The following PROSER2 variants were observed in gnomAD, a reference collection of about 807,000 sequenced individuals.
PROSER2 encodes proline and serine rich 2, also known as proline and serine-rich protein 2.
PROSER2 carries 18 observed loss-of-function variants against 14.6 expected under a neutral mutation model. The observed-to-expected ratio is 1.23, with a 90% CI of 0.85 to 1.83. The LOEUF (loss-of-function observed/expected upper bound fraction) is 1.83. PROSER2 is among the 40% of genes most tolerant of loss of function. The pLI is 0.00. For synonymous variants in PROSER2, 367 were observed against 286.4 expected, an observed-to-expected ratio of 1.28 and a Z score of -2.84; for missense variants, 823 against 629.8, an observed-to-expected ratio of 1.31 and a Z score of -3.28.
Position 11,830,031 on chromosome 10 carries a change from C to T in PROSER2, c.-82+6561C>T, listed in dbSNP as rs769501990. Among the ~76,000 whole-genome samples the T allele has an allele frequency of 2.0e-5, 3 of 151,746 alleles. No homozygotes were observed. The highest frequency in any genetic ancestry group is 4.8e-5 in the African/African-American group (2 of 41,386). Reference sequence around the variant, plus strand: ...GCTAATTTTTGCATTTTAGTAGAGACGGGGTTTTGCCATGTTGGCCATGCT... The same window carrying T: ...GCTAATTTTTGCATTTTAGTAGAGATGGGGTTTTGCCATGTTGGCCATGCT... On this transcript the variant is annotated intron_variant, in intron 1 of 3. Coordinates refer to ENST00000277570, the MANE Select transcript of PROSER2 (RefSeq NM_153256.4). The surrounding 1 kb of genome is among the most constrained non-coding windows in gnomAD (Gnocchi z 4.5).
At chr10:11,852,300 A>G (rs570348222) in intron 2 of PROSER2, 85 bp downstream of exon 2, 2 of 1,425,868 alleles carry the variant, frequency 1.4e-6, no homozygotes, top group East Asian at 4.9e-5. Context: ...GGAATATTTT[A>G]CCAGATCTTT....
intron 1 of PROSER2, among the ~76,000 whole-genome samples, chr10:11,842,928 G>GTTTTTTTTTTTTTTTTTT (rs1554766492): frequency 1.9e-5 from 1 of 51,714 alleles, no homozygotes; most frequent in Non-Finnish European, 4.3e-5. Flanking sequence ...TTTTGCCATT[G>GTTTTTTTTTTTTTTTTTT]TTCTTTTTTT....
rs138742961 is a variant in PROSER2, at chr10:11,858,702, G to T, written c.138+6487G>T. Among the ~76,000 whole-genome samples the T allele has an allele frequency of 1.0e-2, 1,519 of 152,222 alleles. 16 individuals are homozygous for T. Among genetic ancestry groups the T allele is most frequent in the Non-Finnish European group, 0.015 (998 of 68,024 alleles). ...AGAGACTTGTCATTTCTTGAAGTCA[G>T]CATGGTAGGATAGAATGTGAGGGAT... On this transcript the variant is annotated intron_variant, in intron 2 of 3. Transcript: ENST00000277570.
intron 1 of PROSER2, among the ~76,000 whole-genome samples, chr10:11,824,315 T>A (rs1833582030): frequency 6.6e-6 from 1 of 152,206 alleles, no homozygotes. Flanking sequence ...CTGGCTCCAA[T>A]TTTAACGGAG....
intron 2 of PROSER2, among the ~76,000 whole-genome samples, chr10:11,857,894 G>A (rs1479414678): frequency 6.6e-6 from 1 of 152,116 alleles, no homozygotes; most frequent in African/African-American, 2.4e-5. Flanking sequence ...CCCTCACAGG[G>A]GGTTGCCACA....
intron 2 of PROSER2, chr10:11,857,463 G>A (rs1263121620): frequency 1.3e-5 from 2 of 152,112 alleles, no homozygotes; most frequent in Non-Finnish European, 2.9e-5. Flanking sequence ...ATTATTGGCC[G>A]GGTGCAGTGG....
rs11257368 is a variant in PROSER2 at position 11,869,373 on chromosome 10, A to G, written c.392-117A>G. On this transcript the variant is annotated intron_variant, in intron 3 of 3. Transcript: ENST00000277570. The surrounding 1 kb of genome is among the most constrained non-coding windows in gnomAD (Gnocchi z 4.4). ...AGAGAGGAGTTGACTCACAGGCAGC[A>G]CCGGCGAAGTTGGTGTCAGGTCCAG... The G allele has an allele frequency of 0.12, 82,506 of 706,188 alleles. 5,493 individuals are homozygous for G. The highest frequency in any genetic ancestry group is 0.13 in the Non-Finnish European group (53,223 of 397,910). The allele number at this position is 706,188 out of a possible 1,614,324, so 43.7% of individuals were successfully genotyped here.
At chr10:11,854,525 G>A (rs940862364) in intron 2 of PROSER2, among the ~76,000 whole-genome samples, 6 of 152,082 alleles carry the variant, frequency 3.9e-5, no homozygotes, top group African/African-American at 1.4e-4. Flanking sequence ...TGAACAGGCT[G>A]GTTTAGAATT....
Position 11,869,762 on chromosome 10 carries a change from C to G in PROSER2, c.664C>G (p.Pro222Ala). The change falls in exon 4 of 4, where the codon CCC becomes GCC. Residue 222 changes from proline (P) to alanine (A), a missense_variant. By Grantham distance (27) the Pro-to-Ala change is conservative (BLOSUM62 -1). Coordinates refer to ENST00000277570, the MANE Select transcript of PROSER2 (RefSeq NM_153256.4). The surrounding 1 kb of genome is among the most constrained non-coding windows in gnomAD (Gnocchi z 4.4). ...CACCTCCCCGTTCAGGGAGGGCCGG[C>G]CCGGGGAGTGGAGGACACCTGCCGC... The part of the protein sequence containing the change: ...SPTSPFREGR[P>A]GEWRTPAARG... The G allele has an allele frequency of 6.4e-7, 1 of 1,571,400 alleles. No individual in the cohort carries two copies. The highest frequency in any genetic ancestry group is 1.3e-5 in the African/African-American group (1 of 74,170).
Position 11,870,503 on chromosome 10 carries a change from T to A in PROSER2, c.*97T>A. 9.2e-7 allele frequency: 1 copy of A among 1,082,468 alleles called. No homozygotes were observed. Among genetic ancestry groups the A allele is most frequent in the Non-Finnish European group, 1.3e-6 (1 of 799,268 alleles). 67.1% of individuals were successfully genotyped at this position (1,082,468 alleles called of 1,614,324 possible). On this transcript the variant is annotated 3_prime_UTR_variant, in exon 4 of 4. Transcript: ENST00000277570. ...GGAGCTGTTTGGTCTAAAATGGAAG[T>A]GACAGCGGGAGCCCCTGCCCTCTGT...
At chr10:11,853,288 GATAA>G (rs577060228) in intron 2 of PROSER2, among the ~76,000 whole-genome samples, 30 of 151,964 alleles carry the variant, frequency 2.0e-4, no homozygotes, top group African/African-American at 5.8e-4. Context: ...GGTAATATGT[GATAA>G]ATATTATTTG....
rs900437247 is a variant in PROSER2 at position 11,871,537 on chromosome 10, A to T, written c.*1131A>T. 6 of 152,242 alleles carry T rather than the reference A, an allele frequency of 3.9e-5. No homozygotes were observed. Among genetic ancestry groups the T allele is most frequent in the African/African-American group, 1.4e-4 (6 of 41,452 alleles). 9.4% of individuals were successfully genotyped at this position (152,242 alleles called of 1,614,324 possible). On this transcript the variant is annotated 3_prime_UTR_variant, in exon 4 of 4. Transcript: ENST00000277570. ...AGAAGGAAGCAAAAGATTCTTAAAG[A>T]TCCACCGACTGTCATGTTCCACAAG...
intron 3 of PROSER2, among the ~76,000 whole-genome samples, chr10:11,868,975 C>T (rs755533307): frequency 9.2e-5 from 14 of 152,178 alleles, no homozygotes; most frequent in Admixed American, 1.3e-4. Context: ...GAGACAGATG[C>T]ATAAGTACAG....
At chr10:11,842,303 A>G (rs977157615) in intron 1 of PROSER2, among the ~76,000 whole-genome samples, 1 of 150,178 alleles carries the variant, frequency 6.7e-6, no homozygotes, top group Non-Finnish European at 1.5e-5. Context: ...AAATATTTAC[A>G]TTTTTATCAT....
intron 3 of PROSER2, among the ~76,000 whole-genome samples, chr10:11,868,699 G>C (rs970132181): frequency 6.6e-6 from 1 of 152,146 alleles, no homozygotes; most frequent in Non-Finnish European, 1.5e-5. Context: ...CACTCAGGCT[G>C]GAGTGCAGTG....
rs773330445 is a variant in PROSER2 at position 11,869,226 on chromosome 10, T to G, written c.392-264T>G. 1.8e-6 allele frequency: 1 copy of G among 544,472 alleles called. No individual in the cohort carries two copies. Among genetic ancestry groups the G allele is most frequent in the Non-Finnish European group, 3.3e-6 (1 of 305,156 alleles). 33.7% of individuals were successfully genotyped at this position (544,472 alleles called of 1,614,324 possible). ...GGGGCTGGAGCCTCAGCAGCCCACA[T>G]GGACGGAATGTCTCCTAGGTGTGGA... is the stretch of plus-strand genomic sequence containing the variant. On this transcript the variant is annotated intron_variant, in intron 3 of 3. Coordinates refer to ENST00000277570, the MANE Select transcript of PROSER2 (RefSeq NM_153256.4). This position sits in a 1 kb window ranked among gnomAD's most constrained non-coding sequence, Gnocchi z 4.4.
intron 1 of PROSER2, among the ~76,000 whole-genome samples, chr10:11,833,557 G>A (rs956130994): frequency 6.6e-6 from 1 of 151,902 alleles, no homozygotes; most frequent in African/African-American, 2.4e-5. Context: ...TGGGTGTGGT[G>A]GCTGGTGCCT....
rs191107404 is a variant in PROSER2, at chr10:11,830,386, G to A, written c.-82+6916G>A. On this transcript the variant is annotated intron_variant, in intron 1 of 3. Coordinates refer to ENST00000277570, the MANE Select transcript of PROSER2 (RefSeq NM_153256.4). The surrounding 1 kb of genome is among the most constrained non-coding windows in gnomAD (Gnocchi z 4.5). Reference sequence around the variant, plus strand: ...CATTCATTTTTATGGCTGAGTAGTCGTCCGTGGTGTTTATATACCACATTT... The same window carrying A: ...CATTCATTTTTATGGCTGAGTAGTCATCCGTGGTGTTTATATACCACATTT... 2.8e-4 allele frequency among the ~76,000 whole-genome samples: 42 copies of A among 152,248 alleles called. No homozygotes were observed. Among genetic ancestry groups the A allele is most frequent in the Non-Finnish European group, 2.5e-4 (17 of 68,020 alleles).
At chr10:11,850,125 G>A (rs1385934389) in intron 1 of PROSER2, 1 of 152,286 alleles carries the variant, frequency 6.6e-6, no homozygotes, top group African/African-American at 2.4e-5. Flanking sequence ...AAATGGTCCT[G>A]AACTTGGGTG....
Sources: allele counts gnomAD v4.1 joint callset (sites outside exome capture counted in the v4.1 genomes callset), GRCh38; gene constraint gnomAD v4.1.1; non-coding constraint Gnocchi (gnomAD v3.1); transcripts MANE v1.5; gene names NCBI Gene and HGNC (gene_info 2026-07-23, HGNC 2026-07-21).